Variants in NPAS2 observed in about 807,000 individuals in gnomAD.
NPAS2 encodes the protein neuronal PAS domain protein 2.
Under a neutral mutation model 107.5 loss-of-function variants are expected in NPAS2, and 23 were observed. The observed-to-expected ratio is 0.21, with a 90% CI of 0.15 to 0.30. NPAS2 has a LOEUF of 0.30. NPAS2 is among the 10% of genes least tolerant of loss of function. The probability of loss-of-function intolerance (pLI) is 1.00; values close to 1 mark genes in which losing one functional copy is unlikely to be tolerated. For missense variants in NPAS2, 756 were observed against 1,043.3 expected, an observed-to-expected ratio of 0.72 and a Z score of 3.79; for synonymous variants, 403 against 417.5, an observed-to-expected ratio of 0.97 and a Z score of 0.42.
At chr2:100,828,367 T>G (rs1676518462) in intron 1 of NPAS2, among the ~76,000 whole-genome samples, 1 of 152,228 alleles carries the variant, frequency 6.6e-6, no homozygotes, top group South Asian at 2.1e-4. Flanking sequence ...GTCTGTTTAC[T>G]CTGTTGATAG....
At chr2:100,990,041 G>T in intron 17 of NPAS2, 2 of 574,396 alleles carry the variant, frequency 3.5e-6, no homozygotes, top group Non-Finnish European at 6.2e-6. Context: ...TTTGCTACTT[G>T]CCTGCCTAGA....
intron 1 of NPAS2, among the ~76,000 whole-genome samples, chr2:100,837,524 G>A (rs1346288949): frequency 6.6e-6 from 1 of 152,074 alleles, no homozygotes; most frequent in Non-Finnish European, 1.5e-5. Flanking sequence ...TGTTGGCCAG[G>A]CTGATCTCGA....
chr2:100,826,225 C>T (rs967008838), intron 1 of NPAS2, among the ~76,000 whole-genome samples: 9 of 152,164 alleles, frequency 5.9e-5, no homozygotes, highest in African/African-American at 2.2e-4. Flanking sequence ...GGGCGGATCA[C>T]GAGGTCAGGA....
intron 1 of NPAS2, among the ~76,000 whole-genome samples, chr2:100,845,956 G>T (rs964333730): frequency 1.3e-5 from 2 of 152,214 alleles, no homozygotes; most frequent in African/African-American, 4.8e-5. Flanking sequence ...TGTAGGAACC[G>T]ACCCCTCCTT....
At chr2:100,981,091 TTTA>T (rs1278388618) in intron 15 of NPAS2, among the ~76,000 whole-genome samples, 1 of 152,138 alleles carries the variant, frequency 6.6e-6, no homozygotes, top group Non-Finnish European at 1.5e-5. Context: ...ACTGGTTCTT[TTTA>T]TTATTATTTT....
At chr2:100,842,649 C>T (rs1418315164) in intron 1 of NPAS2, among the ~76,000 whole-genome samples, 1 of 152,100 alleles carries the variant, frequency 6.6e-6, no homozygotes, top group Non-Finnish European at 1.5e-5. Context: ...AAAGCGGGTC[C>T]ATATAACTGA....
intron 1 of NPAS2, among the ~76,000 whole-genome samples, chr2:100,830,389 T>G (rs572991561): frequency 7.2e-5 from 11 of 152,262 alleles, no homozygotes; most frequent in African/African-American, 2.6e-4. Context: ...TAGTTACATA[T>G]GTATACATGT....
chr2:100,941,775 G>A (rs61126796), intron 5 of NPAS2, among the ~76,000 whole-genome samples: 11 of 152,258 alleles, frequency 7.2e-5, no homozygotes, highest in African/African-American at 1.7e-4. Flanking sequence ...GAAAGAGTAC[G>A]GCTGAGGCAG....
At chr2:100,948,977 T>A (rs1255404887) in intron 6 of NPAS2, among the ~76,000 whole-genome samples, 1 of 152,220 alleles carries the variant, frequency 6.6e-6, no homozygotes, top group African/African-American at 2.4e-5. Context: ...TTTCCATGAA[T>A]AATCTGTCCT....
intron 4 of NPAS2, among the ~76,000 whole-genome samples, chr2:100,934,314 CT>C (rs11380504): frequency 1.0e-3 from 151 of 147,234 alleles, no homozygotes; most frequent in African/African-American, 2.5e-3. Context: ...GTAGCACAAC[CT>C]TTTTTTTTTT....
intron 3 of NPAS2, among the ~76,000 whole-genome samples, chr2:100,929,764 T>G (rs1683820413): frequency 6.6e-6 from 1 of 152,172 alleles, no homozygotes; most frequent in African/African-American, 2.4e-5. Context: ...ATCAGCATTT[T>G]TAAGGCCCCC....
In NPAS2 at chr2:100,934,326, T is replaced by TTC. The variant is rs397948859; in HGVS notation, c.273+1325_273+1326insTC. ...CCTGTAGCACAACCTTTTTTTTTTT[T>TTC]CCCAGTTAGTTTCAAACTATCAAAA... On this transcript the variant is annotated intron_variant, in intron 4 of 20. Coordinates refer to ENST00000335681, the MANE Select transcript of NPAS2 (RefSeq NM_002518.4). Among the ~76,000 whole-genome samples the TTC allele has an allele frequency of 4.6e-3, 704 of 151,902 alleles. 6 individuals are homozygous for TTC. Among genetic ancestry groups the TTC allele is most frequent in the African/African-American group, 0.016 (673 of 41,436 alleles).
At position 100,968,655 on chromosome 2, in the gene NPAS2, G is replaced by C. The variant is rs1573747688; in HGVS notation, c.1055+227G>C. On this transcript the variant is annotated intron_variant, in intron 11 of 20. Transcript: ENST00000335681. This position sits in a 1 kb window ranked among gnomAD's most constrained non-coding sequence, Gnocchi z 5.3. ...CTCCCAGGGCTGAGACTCCTTTCAAGCTCTCAGTCAGGCCCCTTTGAACGC... is the reference window on the plus strand; with the variant it reads ...CTCCCAGGGCTGAGACTCCTTTCAACCTCTCAGTCAGGCCCCTTTGAACGC... Among the ~76,000 whole-genome samples the C allele has an allele frequency of 6.6e-6, 1 of 152,160 alleles. No homozygotes were observed. Among genetic ancestry groups the C allele is most frequent in the Non-Finnish European group, 1.5e-5 (1 of 68,030 alleles).
rs1336543306 is a variant in NPAS2 at position 100,965,250 on chromosome 2, T to C, written c.800+307T>C. On this transcript the variant is annotated intron_variant, in intron 9 of 20. Coordinates refer to ENST00000335681, the MANE Select transcript of NPAS2 (RefSeq NM_002518.4). The surrounding 1 kb of genome is among the most constrained non-coding windows in gnomAD (Gnocchi z 4.3). ...AGTGTGAGAGAAATCTCTCATCTCATTTTTTTCAACATCCTTTGATCTTTT... is the reference window on the plus strand; with the variant it reads ...AGTGTGAGAGAAATCTCTCATCTCACTTTTTTCAACATCCTTTGATCTTTT... 1.3e-5 allele frequency among the ~76,000 whole-genome samples: 2 copies of C among 152,204 alleles called. No individual in the cohort carries two copies. Among genetic ancestry groups the C allele is most frequent in the Non-Finnish European group, 2.9e-5 (2 of 68,024 alleles).
intron 1 of NPAS2, among the ~76,000 whole-genome samples, chr2:100,850,934 CAA>C (rs1212725037): frequency 1.1e-5 from 1 of 88,772 alleles, no homozygotes; most frequent in Non-Finnish European, 2.0e-5. Context: ...GCCTGGGCAA[CAA>C]GAGTGAAACT....
intron 1 of NPAS2, chr2:100,823,838 G>A (rs1192758650): frequency 6.6e-6 from 1 of 152,240 alleles, no homozygotes; most frequent in Non-Finnish European, 1.5e-5. Flanking sequence ...GCCCAGGAAA[G>A]GAGAGTTGCT....
intron 5 of NPAS2, among the ~76,000 whole-genome samples, chr2:100,942,510 G>A (rs1408211580): frequency 6.6e-6 from 1 of 152,112 alleles, no homozygotes; most frequent in Non-Finnish European, 1.5e-5. Context: ...AAGATTCCAG[G>A]CCTCTAGTTA....
In NPAS2 at chr2:100,975,540, C is replaced by G; in HGVS notation, c.1365C>G (p.Pro455=). The stretch of plus-strand genomic sequence containing the variant: ...CCCTGCCCCAAGAGTTACCTGTCCC[C>G]GGGCTCAGCCAGGCAGCCACCATGC... ...SATLPQELPV[P]GLSQAATMPA... is the part of the protein sequence containing the mutation. Residue 455 remains proline, a synonymous_variant, in exon 14 of 21, where the codon CCC becomes CCG. Coordinates refer to ENST00000335681, the MANE Select transcript of NPAS2 (RefSeq NM_002518.4). 6.2e-7 allele frequency: 1 copy of G among 1,611,448 alleles called. No homozygotes were observed. Among genetic ancestry groups the G allele is most frequent in the Non-Finnish European group, 8.5e-7 (1 of 1,178,718 alleles).
intron 16 of NPAS2, chr2:100,986,119 C>T (rs886093668): frequency 6.6e-6 from 1 of 152,046 alleles, no homozygotes; most frequent in African/African-American, 2.4e-5. Flanking sequence ...ATGATGGATA[C>T]CCAGAAAATT....
Sources: allele counts gnomAD v4.1 joint callset (sites outside exome capture counted in the v4.1 genomes callset), GRCh38; gene constraint gnomAD v4.1.1; non-coding constraint Gnocchi (gnomAD v3.1); transcripts MANE v1.5; gene names NCBI Gene and HGNC (gene_info 2026-07-23, HGNC 2026-07-21).